The following BOLA3 variants were observed in gnomAD, a reference collection of about 807,000 sequenced individuals.
BOLA3 encodes bolA-like protein 3.
BOLA3 carries 8 observed loss-of-function variants against 14.5 expected under a neutral mutation model. The ratio of observed to expected loss-of-function variants is 0.55; its 90% CI spans 0.32 to 0.99. The LOEUF (loss-of-function observed/expected upper bound fraction) is 0.99. BOLA3 is among the 50% of genes least tolerant of loss of function. BOLA3 has a pLI of 0.04. For synonymous variants in BOLA3, 42 were observed against 45.7 expected, an observed-to-expected ratio of 0.92 and a Z score of 0.33; for missense variants, 115 against 138.2, an observed-to-expected ratio of 0.83 and a Z score of 0.84.
chr2:74,140,145 G>A (rs1205733458), intron 3 of BOLA3, among the ~76,000 whole-genome samples: 1 of 152,106 alleles, frequency 6.6e-6, no homozygotes, highest in Non-Finnish European at 1.5e-5. Flanking sequence ...TTAGCCAGGT[G>A]TGGTGGCGGG....
At position 74,145,551 on chromosome 2, in the gene BOLA3, A is replaced by T. The variant is rs828888; in HGVS notation, c.55-248T>A. The T allele has an allele frequency of 5.5e-6, 3 of 541,684 alleles. No homozygotes were observed. In the East Asian group the frequency reaches 9.8e-5, roughly 18 times the overall value. 33.6% of individuals were successfully genotyped at this position (541,684 alleles called of 1,614,324 possible). A position where few individuals can be genotyped will look rare whatever the true frequency, so the allele number is the denominator to read the frequency against. On this transcript the variant is annotated intron_variant, in intron 1 of 3. Coordinates refer to ENST00000327428, the MANE Select transcript of BOLA3 (RefSeq NM_212552.3). Reference sequence around the variant, plus strand: ...AATAACTCAATTTGACTCCAGAGACAAGAGGCCCCAAACCTAATTCAAGAG... The same window carrying T: ...AATAACTCAATTTGACTCCAGAGACTAGAGGCCCCAAACCTAATTCAAGAG...
At chr2:74,135,811 T>TA (rs1558819383) in intron 3 of BOLA3, among the ~76,000 whole-genome samples, 153 bp from the exon 4 acceptor site, 1 of 152,206 alleles carries the variant, frequency 6.6e-6, no homozygotes, top group East Asian at 1.9e-4. Context: ...CAATTTTTTT[T>TA]AAATCAATAA....
chr2:74,140,281 G>T (rs1281603257), intron 3 of BOLA3, among the ~76,000 whole-genome samples: 1 of 151,974 alleles, frequency 6.6e-6, no homozygotes, highest in African/African-American at 2.4e-5. Flanking sequence ...GATACTCTGT[G>T]GGAGGGAAAA....
At chr2:74,147,715 G>A (rs1692572786) in intron 1 of BOLA3, 106 bp downstream of exon 1, 2 of 1,089,514 alleles carry the variant, frequency 1.8e-6, no homozygotes, top group South Asian at 1.3e-5. Context: ...CCAGTGCCGC[G>A]CGCGCCCTCC....
At chr2:74,143,990 G>A (rs981583270) in intron 2 of BOLA3, among the ~76,000 whole-genome samples, 5 of 131,908 alleles carry the variant, frequency 3.8e-5, no homozygotes, top group Admixed American at 1.6e-4. Context: ...GAGCCACCGC[G>A]CCTGGCCCCA....
intron 3 of BOLA3, among the ~76,000 whole-genome samples, chr2:74,137,350 T>C (rs57772551): frequency 0.038 from 5,716 of 152,238 alleles, 347 homozygotes; most frequent in African/African-American, 0.13. Context: ...AGAAAGCCCA[T>C]CTTTAGCAGG....
chr2:74,144,372 TCTC>T (rs1692503528), intron 2 of BOLA3, among the ~76,000 whole-genome samples: 2 of 152,218 alleles, frequency 1.3e-5, no homozygotes, highest in Admixed American at 6.5e-5. Context: ...TTCTAAACTT[TCTC>T]CTCAATCCTT....
intron 3 of BOLA3, among the ~76,000 whole-genome samples, chr2:74,136,010 C>T (rs902057877): frequency 3.4e-5 from 5 of 148,894 alleles, no homozygotes; most frequent in East Asian, 2.0e-4. Flanking sequence ...AGTGCAGTGG[C>T]GCGATATCGG....
At chr2:74,147,782 C>T (rs940385827) in intron 1 of BOLA3, 39 bp downstream of exon 1, 1 of 1,528,714 alleles carries the variant, frequency 6.5e-7, no homozygotes, top group Admixed American at 2.0e-5. Flanking sequence ...CCGCAGCTCC[C>T]GTCCCGGGGA....
At chr2:74,144,770 C>G (rs943916809) in intron 2 of BOLA3, among the ~76,000 whole-genome samples, 1 of 152,228 alleles carries the variant, frequency 6.6e-6, no homozygotes, top group African/African-American at 2.4e-5. Flanking sequence ...TCTCTGGGCT[C>G]ATTTCCTCTT....
At chr2:74,142,082 A>G (rs934477264) in intron 3 of BOLA3, among the ~76,000 whole-genome samples, 190 bp downstream of exon 3, 1 of 152,250 alleles carries the variant, frequency 6.6e-6, no homozygotes, top group Admixed American at 6.5e-5. Context: ...TTCAATTTTG[A>G]ATAAAATTCC....
At chr2:74,137,838 T>C (rs962718070) in intron 3 of BOLA3, among the ~76,000 whole-genome samples, 1 of 152,198 alleles carries the variant, frequency 6.6e-6, no homozygotes, top group African/African-American at 2.4e-5. Flanking sequence ...GAAATGTCCC[T>C]GGAAAAAGCC....
chr2:74,135,409 A>C lies in BOLA3; in HGVS notation c.*184T>G. On this transcript the variant is annotated 3_prime_UTR_variant, in exon 4 of 4. Transcript: ENST00000327428. ...CCTGAAACATTACTAATGACCCTTC[A>C]AAAGCTTCAGTTGTTTGTTTCCTTT... is the stretch of plus-strand genomic sequence containing the variant. The C allele has an allele frequency of 9.7e-7, 1 of 1,035,982 alleles. No homozygotes were observed. The highest frequency in any genetic ancestry group is 1.5e-6 in the Non-Finnish European group (1 of 685,432). 64.2% of individuals were successfully genotyped at this position (1,035,982 alleles called of 1,614,324 possible).
chr2:74,136,710 C>T (rs1352969741), intron 3 of BOLA3, among the ~76,000 whole-genome samples: 4 of 152,176 alleles, frequency 2.6e-5, no homozygotes, highest in Admixed American at 2.6e-4. Flanking sequence ...CAACCTGTCC[C>T]CTAGCGAACT....
intron 3 of BOLA3, among the ~76,000 whole-genome samples, chr2:74,137,515 A>G (rs953283161): frequency 6.6e-6 from 1 of 152,186 alleles, no homozygotes; most frequent in Non-Finnish European, 1.5e-5. Flanking sequence ...CTTACAATAT[A>G]AAGAATCCTA....
At chr2:74,144,388 A>C (rs1020500554) in intron 2 of BOLA3, among the ~76,000 whole-genome samples, 5 of 152,214 alleles carry the variant, frequency 3.3e-5, no homozygotes, top group African/African-American at 1.2e-4. Context: ...CAATCCTTGG[A>C]AATGTTATGT....
At chr2:74,137,330 C>T (rs1442055591) in intron 3 of BOLA3, among the ~76,000 whole-genome samples, 2 of 152,160 alleles carry the variant, frequency 1.3e-5, no homozygotes, top group Non-Finnish European at 2.9e-5. Context: ...CTGTGTTTCC[C>T]ACCAAGGAGA....
intron 3 of BOLA3, 42 bp downstream of exon 3, chr2:74,142,230 G>A (rs1692449221): frequency 6.8e-7 from 1 of 1,471,736 alleles, no homozygotes; most frequent in East Asian, 2.3e-5. Flanking sequence ...CCCCTTTGGA[G>A]GCTGAAGGCC....
At chr2:74,135,797 AAAAC>A in intron 3 of BOLA3, 139 bp from the exon 4 acceptor site, 1 of 696,770 alleles carries the variant, frequency 1.4e-6, no homozygotes, top group Non-Finnish European at 2.5e-6. Context: ...CTTTTTTTGA[AAAAC>A]AATTTTTTTT....
Sources: gnomAD v4.1 joint callset for allele counts (sites outside exome capture counted in the v4.1 genomes callset) on GRCh38, gnomAD v4.1.1 for gene constraint, MANE v1.5 for transcripts, NCBI Gene and HGNC (gene_info 2026-07-23, HGNC 2026-07-21) for gene names.